ESR1: variants seen among roughly 807,000 people sequenced by gnomAD.
The protein encoded by ESR1 is estrogen receptor 1.
ESR1 carries 12 observed loss-of-function variants against 52.7 expected under a neutral mutation model. The observed-to-expected ratio is 0.23, with a 90% CI of 0.15 to 0.37. The LOEUF (loss-of-function observed/expected upper bound fraction) is 0.37, where lower values mean the gene tolerates loss of function less well. Ranked by LOEUF, ESR1 falls within the 10% of genes least tolerant of loss-of-function variation. The pLI, the probability that ESR1 is intolerant of heterozygous loss-of-function variation, is 1.00. For missense variants in ESR1, 584 were observed against 779.7 expected (o/e 0.75, Z 2.99); for synonymous variants, 305 against 316.8 (o/e 0.96, Z 0.39).
At chr6:151,787,252 A>G (rs1787115755) in intron 2 of ESR1, among the ~76,000 whole-genome samples, 1 of 152,164 alleles carries the variant, frequency 6.6e-6, no homozygotes, top group Admixed American at 6.5e-5. Flanking sequence ...GTAGCCCTGT[A>G]GTATGGTTTG....
chr6:152,012,323 G>T (rs1186782858), intron 5 of ESR1, among the ~76,000 whole-genome samples: 1 of 150,466 alleles, frequency 6.6e-6, no homozygotes, highest in Non-Finnish European at 1.5e-5. Context: ...CCATTCTGGG[G>T]TTGCCTTGGA....
At chr6:151,809,334 C>T (rs1382532653) in intron 1 of ESR1, 1 of 281,386 alleles carries the variant, frequency 3.6e-6, no homozygotes, top group Admixed American at 4.6e-5. Flanking sequence ...TCTCCTCTCC[C>T]TCCCATTTTC....
chr6:152,075,309 G>A (rs1180371732), intron 6 of ESR1, among the ~76,000 whole-genome samples: 1 of 152,140 alleles, frequency 6.6e-6, no homozygotes, highest in Non-Finnish European at 1.5e-5. Flanking sequence ...ATGTTTTAAA[G>A]ACCACTGAAC....
Position 151,762,088 on chromosome 6 carries a change from G to A in ESR1, c.-70-45755G>A, listed in dbSNP as rs80244806. 3.0e-3 allele frequency among the ~76,000 whole-genome samples: 460 copies of A among 152,262 alleles called. 4 individuals are homozygous for A. Among genetic ancestry groups the A allele is most frequent in the African/African-American group, 0.011 (442 of 41,544 alleles). ...CTGCAGATGGTAACCAGATCTTAGTGGCTTTTAAAGTTCTCCAGGTGCTTC... is the reference window on the plus strand; with the variant it reads ...CTGCAGATGGTAACCAGATCTTAGTAGCTTTTAAAGTTCTCCAGGTGCTTC... On this transcript the variant is annotated intron_variant, in intron 2 of 2. Transcript: ENST00000404742.
intron 5 of ESR1, among the ~76,000 whole-genome samples, chr6:152,035,361 G>C (rs1446045767): frequency 6.6e-6 from 1 of 151,202 alleles, no homozygotes; most frequent in Non-Finnish European, 1.5e-5. Context: ...TGTATTTTGG[G>C]ATGAATTTAA....
At chr6:151,932,891 G>C (rs2033857423) in intron 3 of ESR1, among the ~76,000 whole-genome samples, 1 of 148,092 alleles carries the variant, frequency 6.8e-6, no homozygotes, top group South Asian at 2.2e-4. Context: ...GTAGTGTGAT[G>C]CCTCCAGCTT....
chr6:151,961,928 C>T lies in ESR1; in HGVS notation c.1096+17420C>T, dbSNP rs946923828. ...ATGGGCGGCTGGCAGAGAGTTGAAT[C>T]TGACAGGGCAGCAGTTCTGGAAAAT... On this transcript the variant is annotated intron_variant, in intron 4 of 7. Coordinates refer to ENST00000206249, the MANE Select transcript of ESR1 (RefSeq NM_000125.4). 3.3e-5 allele frequency among the ~76,000 whole-genome samples: 5 copies of T among 152,096 alleles called. No individual in the cohort carries two copies. In the South Asian group the frequency reaches 1.0e-3, roughly 32 times the overall value.
chr6:152,002,866 A>G (rs960720432), intron 4 of ESR1, among the ~76,000 whole-genome samples: 2 of 152,008 alleles, frequency 1.3e-5, no homozygotes, highest in African/African-American at 2.4e-5. Flanking sequence ...CTGTTCTGTC[A>G]CTCCCAGGAG....
intron 5 of ESR1, among the ~76,000 whole-genome samples, chr6:152,047,786 C>T (rs1023258076): frequency 6.6e-6 from 1 of 151,908 alleles, no homozygotes; most frequent in Non-Finnish European, 1.5e-5. Context: ...TTTGGTTACT[C>T]CTCTCTGAAA....
intron 3 of ESR1, among the ~76,000 whole-genome samples, chr6:151,882,761 G>GT (rs35507697): frequency 0.058 from 8,461 of 145,272 alleles, 253 homozygotes; most frequent in South Asian, 0.079. Context: ...AACCGATTCT[G>GT]TTTTTTTTTT....
intron 2 of ESR1, among the ~76,000 whole-genome samples, chr6:151,721,873 G>C (rs926109770): frequency 3.3e-5 from 5 of 152,192 alleles, no homozygotes; most frequent in African/African-American, 1.2e-4. Context: ...ACAAATGTAC[G>C]TTGCATTGTA....
At chr6:151,794,450 A>T (rs946688718) in intron 2 of ESR1, among the ~76,000 whole-genome samples, 4 of 152,234 alleles carry the variant, frequency 2.6e-5, no homozygotes, top group Non-Finnish European at 5.9e-5. Context: ...TTAGCAATAG[A>T]TCAAAAGATC....
At chr6:151,978,466 T>A (rs1477966363) in intron 4 of ESR1, among the ~76,000 whole-genome samples, 5 of 152,142 alleles carry the variant, frequency 3.3e-5, no homozygotes, top group Non-Finnish European at 7.4e-5. Context: ...AAAAATGTAG[T>A]GGCTGAGAAT....
intron 5 of ESR1, among the ~76,000 whole-genome samples, chr6:152,019,236 A>G (rs1218186815): frequency 6.6e-6 from 1 of 152,190 alleles, no homozygotes; most frequent in Admixed American, 6.5e-5. Flanking sequence ...GGCCAATTCA[A>G]TGATACCTGA....
At chr6:152,033,512 A>G (rs1754571512) in intron 5 of ESR1, among the ~76,000 whole-genome samples, 1 of 152,270 alleles carries the variant, frequency 6.6e-6, no homozygotes, top group Non-Finnish European at 1.5e-5. Flanking sequence ...TCAAAAGAAG[A>G]CATTTATGCA....
intron 1 of ESR1, among the ~76,000 whole-genome samples, chr6:151,669,172 GA>G (rs1440739466): frequency 7.7e-6 from 1 of 130,448 alleles, no homozygotes; most frequent in African/African-American, 2.7e-5. Context: ...GAGAGAGAGA[GA>G]GAGAGAGAGA....
At chr6:151,923,242 A>T (rs908414223) in intron 3 of ESR1, among the ~76,000 whole-genome samples, 1 of 152,136 alleles carries the variant, frequency 6.6e-6, no homozygotes, top group Non-Finnish European at 1.5e-5. Context: ...TCATACATTT[A>T]AATTCTTTTG....
chr6:151,787,181 T>C (rs1161933462), intron 2 of ESR1, among the ~76,000 whole-genome samples: 1 of 152,220 alleles, frequency 6.6e-6, no homozygotes, highest in Non-Finnish European at 1.5e-5. Flanking sequence ...CTGGGCTCTC[T>C]ATTCTGTTCC....
intron 1 of ESR1, among the ~76,000 whole-genome samples, chr6:151,701,583 G>GA (rs1779800155): frequency 6.6e-6 from 1 of 151,510 alleles, no homozygotes; most frequent in Non-Finnish European, 1.5e-5. Flanking sequence ...CATCCCGTGG[G>GA]CCTGAGTTGG....
Sources: gnomAD v4.1 joint callset for allele counts (sites outside exome capture counted in the v4.1 genomes callset) on GRCh38, gnomAD v4.1.1 for gene constraint, MANE v1.5 for transcripts, NCBI Gene and HGNC (gene_info 2026-07-23, HGNC 2026-07-21) for gene names.